TCERG1L: variants seen among roughly 807,000 people sequenced by gnomAD.
TCERG1L encodes the protein transcription elongation regulator 1-like protein.
TCERG1L carries 37 observed loss-of-function variants against 56.3 expected under a neutral mutation model. The observed-to-expected ratio is 0.66, with a 90% CI of 0.51 to 0.87. TCERG1L has a LOEUF of 0.87. Among genes scored for constraint, TCERG1L ranks in the 40% least tolerant of loss-of-function variants. TCERG1L has a pLI of 0.00. For synonymous variants in TCERG1L, 324 were observed against 326.3 expected (o/e 0.99, Z 0.08); for missense variants, 799 against 774.2 (o/e 1.03, Z -0.38).
At chr10:131,163,574 G>A (rs1231872450) in intron 5 of TCERG1L, among the ~76,000 whole-genome samples, 1 of 152,226 alleles carries the variant, frequency 6.6e-6, no homozygotes, top group African/African-American at 2.4e-5. Flanking sequence ...TGACCCAGCG[G>A]TGGGAGTCAC....
At chr10:131,269,963 C>A (rs1462385567) in intron 3 of TCERG1L, among the ~76,000 whole-genome samples, 1 of 152,202 alleles carries the variant, frequency 6.6e-6, no homozygotes, top group Non-Finnish European at 1.5e-5. Flanking sequence ...AGCACGGCAA[C>A]CCCACGTGCA....
At chr10:131,229,893 G>A (rs540095152) in intron 4 of TCERG1L, among the ~76,000 whole-genome samples, 21 of 152,294 alleles carry the variant, frequency 1.4e-4, no homozygotes, top group East Asian at 5.8e-4. Context: ...CCTTCTGAAC[G>A]AAGCGCTGAG....
Position 131,168,524 on chromosome 10 carries a change from A to C in TCERG1L, c.857-1639T>G, listed in dbSNP as rs1846055430. 2.0e-5 allele frequency among the ~76,000 whole-genome samples: 3 copies of C among 152,180 alleles called. 1 individual carries two copies. Among genetic ancestry groups the C allele is most frequent in the Admixed American group, 2.0e-4 (3 of 15,288 alleles). On this transcript the variant is annotated intron_variant, in intron 4 of 11. Coordinates refer to ENST00000368642, the MANE Select transcript of TCERG1L (RefSeq NM_174937.4). ...TTTATTTCAGGTGCGGAGCAGCAAC[A>C]CTAAGGCAGCCCAGACGTGAGCCGG...
At chr10:131,150,230 G>A (rs1020245480) in intron 6 of TCERG1L, among the ~76,000 whole-genome samples, 3 of 9,204 alleles carry the variant, frequency 3.3e-4, no homozygotes, top group African/African-American at 4.1e-4. Context: ...TCTGGCAGGA[G>A]GCCATCTGGC....
At chr10:131,213,753 C>T (rs1300971428) in intron 4 of TCERG1L, among the ~76,000 whole-genome samples, 2 of 152,234 alleles carry the variant, frequency 1.3e-5, no homozygotes, top group East Asian at 3.9e-4. Context: ...CTCTTAAGGG[C>T]AAGGGCACTG....
At chr10:131,125,719 T>C (rs1845558912) in intron 8 of TCERG1L, among the ~76,000 whole-genome samples, 1 of 152,150 alleles carries the variant, frequency 6.6e-6, no homozygotes, top group South Asian at 2.1e-4. Flanking sequence ...CTCACGTGGA[T>C]GGTCAGGATT....
chr10:131,271,162 GCCTCCAGAA>G (rs879731514), intron 3 of TCERG1L, among the ~76,000 whole-genome samples: 2,283 of 152,238 alleles, frequency 0.015, 27 homozygotes, highest in Non-Finnish European at 0.024. Context: ...TCCAGAACCT[GCCTCCAGAA>G]CCTGGCACCC....
chr10:131,108,124 C>T (rs539215725), intron 9 of TCERG1L, among the ~76,000 whole-genome samples: 10 of 152,288 alleles, frequency 6.6e-5, no homozygotes, highest in South Asian at 4.1e-4. Context: ...TCTAAGTGGC[C>T]GTGGACAAAA....
intron 1 of TCERG1L, among the ~76,000 whole-genome samples, chr10:131,310,265 C>T (rs1846871098): frequency 6.6e-6 from 1 of 151,964 alleles, no homozygotes; most frequent in Non-Finnish European, 1.5e-5. Flanking sequence ...GATATAACAC[C>T]CCTCCAAAAT....
At chr10:131,213,391 A>G (rs1156734721) in intron 4 of TCERG1L, among the ~76,000 whole-genome samples, 1 of 152,234 alleles carries the variant, frequency 6.6e-6, no homozygotes, top group African/African-American at 2.4e-5. Flanking sequence ...TGACTGGAAT[A>G]AGACTTCATG....
chr10:131,234,828 C>T (rs751604184), intron 4 of TCERG1L, among the ~76,000 whole-genome samples: 6 of 152,196 alleles, frequency 3.9e-5, no homozygotes, highest in Non-Finnish European at 8.8e-5. Flanking sequence ...CCCAGCCTCC[C>T]GAGTTGCTGG....
At chr10:131,266,940 A>G (rs551857603) in intron 3 of TCERG1L, among the ~76,000 whole-genome samples, 3 of 152,058 alleles carry the variant, frequency 2.0e-5, no homozygotes, top group East Asian at 1.9e-4. Flanking sequence ...GTGCCTTCCA[A>G]TTGGTCCATG....
At chr10:131,194,869 C>T (rs2033792) in intron 4 of TCERG1L, among the ~76,000 whole-genome samples, 71,483 of 152,070 alleles carry the variant, frequency 0.47, 17,745 homozygotes, top group South Asian at 0.62. Context: ...TATTTACATA[C>T]TGATCATATG....
intron 4 of TCERG1L, among the ~76,000 whole-genome samples, chr10:131,212,824 A>G (rs1845631995): frequency 6.6e-6 from 1 of 152,252 alleles, no homozygotes; most frequent in African/African-American, 2.4e-5. Context: ...AGGCATGAAT[A>G]GTTTAAAACA....
chr10:131,274,688 T>C (rs1846374826), intron 3 of TCERG1L, among the ~76,000 whole-genome samples: 1 of 152,162 alleles, frequency 6.6e-6, no homozygotes, highest in Admixed American at 6.5e-5. Flanking sequence ...AGACGTCAAC[T>C]TTCCCCAAGC....
intron 4 of TCERG1L, among the ~76,000 whole-genome samples, chr10:131,187,407 A>G (rs1428147129): frequency 1.3e-5 from 2 of 152,200 alleles, no homozygotes; most frequent in Non-Finnish European, 2.9e-5. Flanking sequence ...TGTACTAGAC[A>G]TGAGGGTGGG....
At chr10:131,125,159 G>GTGA (rs34057810) in intron 8 of TCERG1L, among the ~76,000 whole-genome samples, 11,815 of 151,966 alleles carry the variant, frequency 0.078, 501 homozygotes, top group Non-Finnish European at 0.1. Flanking sequence ...GGTGGTGGTG[G>GTGA]TGATGATGAT....
intron 4 of TCERG1L, among the ~76,000 whole-genome samples, chr10:131,183,073 A>C (rs962803882): frequency 2.6e-5 from 4 of 152,210 alleles, no homozygotes; most frequent in Non-Finnish European, 5.9e-5. Context: ...ACTTGAAAGA[A>C]TAATTCCTCT....
In TCERG1L at chr10:131,311,512, TC is replaced by T; in HGVS notation, c.123del (p.Trp41Ter). The T allele has an allele frequency of 8.4e-7, 1 of 1,190,788 alleles. No homozygotes were observed. Among genetic ancestry groups the T allele is most frequent in the South Asian group, 3.1e-5 (1 of 32,620 alleles). The allele number at this position is 1,190,788 out of a possible 1,614,324, so 73.8% of individuals were successfully genotyped here. On this transcript the variant is annotated frameshift_variant, in exon 1 of 12. Coordinates refer to ENST00000368642, the MANE Select transcript of TCERG1L (RefSeq NM_174937.4). LOFTEE classifies it high-confidence loss of function. This position sits in a 1 kb window ranked among gnomAD's most constrained non-coding sequence, Gnocchi z 4.0. ...AGCAGCCCGGCCGAGCCCGGCACCA[TC>T]CAGACCCAGGGCGGCGGCGGCGGCG... The part of the protein sequence containing the change: ...AEPPPPPPWV[W>X]MVPGSAGLLR...
Sources: allele counts gnomAD v4.1 joint callset (sites outside exome capture counted in the v4.1 genomes callset), GRCh38; gene constraint gnomAD v4.1.1; non-coding constraint Gnocchi (gnomAD v3.1); transcripts MANE v1.5; gene names NCBI Gene and HGNC (gene_info 2026-07-23, HGNC 2026-07-21).